The following ARL15 variants were observed in gnomAD, a reference collection of about 807,000 sequenced individuals.
ARL15 encodes ARF like GTPase 15.
A neutral mutation model predicts 25.2 loss-of-function variants in ARL15; 19 were observed. The observed-to-expected ratio is 0.75, with a 90% confidence interval of 0.53 to 1.10. ARL15 has a LOEUF of 1.10. ARL15 is among the 50% of genes least tolerant of loss of function. ARL15 has a pLI of 0.00. For synonymous variants in ARL15, 94 were observed against 86.8 expected (o/e 1.08, Z -0.46); for missense variants, 220 against 246.0 (o/e 0.89, Z 0.71).
intron 1 of ARL15, among the ~76,000 whole-genome samples, chr5:54,264,856 A>AT (rs1757583183): frequency 6.6e-6 from 1 of 152,024 alleles, no homozygotes; most frequent in South Asian, 2.1e-4. Flanking sequence ...ATCATGTGCT[A>AT]TTTTTTCCCC....
intron 4 of ARL15, among the ~76,000 whole-genome samples, chr5:54,104,551 T>C (rs1457393388): frequency 6.6e-6 from 1 of 152,128 alleles, no homozygotes; most frequent in Non-Finnish European, 1.5e-5. Context: ...ATTTATATAA[T>C]TAGTTATAGT....
At chr5:54,306,907 A>G (rs923757693) in intron 1 of ARL15, among the ~76,000 whole-genome samples, 7 of 152,194 alleles carry the variant, frequency 4.6e-5, no homozygotes, top group Non-Finnish European at 8.8e-5. Flanking sequence ...CTAGAAGTTG[A>G]TCTTGTCCAA....
intron 4 of ARL15, among the ~76,000 whole-genome samples, chr5:53,938,207 A>T (rs1746414841): frequency 6.6e-6 from 1 of 151,676 alleles, no homozygotes; most frequent in Non-Finnish European, 1.5e-5. Flanking sequence ...AGGGTGGTTA[A>T]AAAAGGAGTT....
At chr5:54,221,787 C>T (rs1215123341) in intron 1 of ARL15, among the ~76,000 whole-genome samples, 1 of 148,116 alleles carries the variant, frequency 6.8e-6, no homozygotes, top group Non-Finnish European at 1.5e-5. Context: ...GTCATGGGGG[C>T]CAGAGAAGTA....
chr5:54,006,482 T>A (rs1165865755), intron 4 of ARL15, among the ~76,000 whole-genome samples: 1 of 152,018 alleles, frequency 6.6e-6, no homozygotes, highest in Non-Finnish European at 1.5e-5. Flanking sequence ...TTTTTTTTTT[T>A]AACATGAAAT....
intron 2 of ARL15, among the ~76,000 whole-genome samples, chr5:54,155,879 C>A (rs1754217251): frequency 6.6e-6 from 1 of 151,882 alleles, no homozygotes; most frequent in Non-Finnish European, 1.5e-5. Flanking sequence ...AATTAAAAGC[C>A]CTATGAATTT....
chr5:54,127,885 C>T (rs1481936927), intron 3 of ARL15, among the ~76,000 whole-genome samples: 4 of 151,854 alleles, frequency 2.6e-5, no homozygotes, highest in African/African-American at 4.8e-5. Flanking sequence ...ACTATCTGAT[C>T]TTTGACAAAC....
chr5:54,070,119 G>T (rs1447618891), intron 4 of ARL15, among the ~76,000 whole-genome samples: 1 of 151,162 alleles, frequency 6.6e-6, no homozygotes, highest in East Asian at 2.0e-4. Context: ...GGCCAGGTGC[G>T]GTGGCTCACG....
intron 3 of ARL15, among the ~76,000 whole-genome samples, chr5:54,150,829 G>A (rs56705208): frequency 0.26 from 33,080 of 128,606 alleles, 4,182 homozygotes; most frequent in African/African-American, 0.36. Flanking sequence ...AAAAAATGGT[G>A]TTTTACCAAC....
chr5:54,058,091 C>T (rs1292942511), intron 4 of ARL15, among the ~76,000 whole-genome samples: 5 of 151,668 alleles, frequency 3.3e-5, no homozygotes, highest in Admixed American at 1.3e-4. Context: ...CTGCAACCTC[C>T]GCCTCCGAGG....
intron 1 of ARL15, among the ~76,000 whole-genome samples, chr5:54,205,474 T>C (rs1429393384): frequency 1.3e-5 from 2 of 152,216 alleles, no homozygotes; most frequent in Non-Finnish European, 2.9e-5. Flanking sequence ...GGGACCACCC[T>C]TGGCAAAATA....
chr5:53,944,129 G>A (rs1187295621), intron 4 of ARL15, among the ~76,000 whole-genome samples: 3 of 152,148 alleles, frequency 2.0e-5, no homozygotes, highest in African/African-American at 7.2e-5. Context: ...ACACCACCAT[G>A]TCTGGCACAG....
intron 1 of ARL15, among the ~76,000 whole-genome samples, chr5:54,238,218 GC>G (rs1382775463): frequency 6.6e-6 from 1 of 152,096 alleles, no homozygotes; most frequent in Non-Finnish European, 1.5e-5. Context: ...AATTTTTCAT[GC>G]CAAAGTCACT....
At chr5:54,185,752 T>C (rs62370450) in intron 1 of ARL15, among the ~76,000 whole-genome samples, 2,748 of 152,328 alleles carry the variant, frequency 0.018, 38 homozygotes, top group Non-Finnish European at 0.025. Flanking sequence ...TCAATAGGTG[T>C]TATTATCATC....
chr5:53,898,277 C>CT (rs148758681), intron 4 of ARL15, among the ~76,000 whole-genome samples: 130 of 151,968 alleles, frequency 8.6e-4, no homozygotes, highest in African/African-American at 2.9e-3. Context: ...TGGTCTTTAA[C>CT]TTTTTTTTGT....
intron 2 of ARL15, among the ~76,000 whole-genome samples, chr5:54,161,594 C>A (rs1483241279): frequency 5.3e-5 from 8 of 151,996 alleles, no homozygotes; most frequent in African/African-American, 1.7e-4. Context: ...GCCATTTATT[C>A]TTTTTATGAA....
chr5:54,217,417 A>T (rs962222034), intron 1 of ARL15, among the ~76,000 whole-genome samples: 3 of 152,146 alleles, frequency 2.0e-5, no homozygotes, highest in Non-Finnish European at 2.9e-5. Context: ...AAAGACAAAC[A>T]GAAGAGCAGC....
intron 3 of ARL15, among the ~76,000 whole-genome samples, chr5:54,131,886 G>C (rs760180573): frequency 5.3e-5 from 8 of 150,134 alleles, no homozygotes; most frequent in Admixed American, 1.3e-4. Flanking sequence ...CTGGGCCACA[G>C]AGCAAGACTC....
chr5:54,017,595 A>G (rs1749465687), intron 4 of ARL15, among the ~76,000 whole-genome samples: 1 of 151,226 alleles, frequency 6.6e-6, no homozygotes, highest in Non-Finnish European at 1.5e-5. Flanking sequence ...AAGAAAAAAA[A>G]AAAAAAAAAC....
Sources: gnomAD v4.1 joint callset for allele counts (sites outside exome capture counted in the v4.1 genomes callset) on GRCh38, gnomAD v4.1.1 for gene constraint, MANE v1.5 for transcripts, NCBI Gene and HGNC (gene_info 2026-07-23, HGNC 2026-07-21) for gene names.